GTF2IRD1: variants seen among roughly 807,000 people sequenced by gnomAD.
GTF2IRD1 encodes the protein general transcription factor II-I repeat domain-containing protein 1.
GTF2IRD1 carries 26 observed loss-of-function variants against 113.2 expected under a neutral mutation model. The observed-to-expected ratio is 0.23, with a 90% confidence interval of 0.17 to 0.32. The LOEUF (loss-of-function observed/expected upper bound fraction) is 0.32, where lower values mean the gene tolerates loss of function less well. Ranked by LOEUF, GTF2IRD1 falls within the 10% of genes least tolerant of loss-of-function variation. GTF2IRD1 has a pLI of 1.00. For missense variants in GTF2IRD1, 864 were observed against 1,280.8 expected (o/e 0.67, Z 4.97); for synonymous variants, 484 against 529.1 (o/e 0.91, Z 1.17).
chr7:74,545,249 CAGGGTG>C (rs1467339869), intron 15 of GTF2IRD1, among the ~76,000 whole-genome samples: 4 of 151,942 alleles, frequency 2.6e-5, no homozygotes, highest in Admixed American at 1.3e-4. Context: ...AGAGGGAGGC[CAGGGTG>C]AGGGTGGGTC....
chr7:74,559,140 C>G, intron 21 of GTF2IRD1, 96 bp downstream of exon 21: 7 of 1,162,380 alleles, frequency 6.0e-6, no homozygotes, highest in Non-Finnish European at 8.6e-6. Flanking sequence ...TCCTGCCCTC[C>G]CCCCTGGACA....
At position 74,460,330 on chromosome 7, in the gene GTF2IRD1, C is replaced by T. The variant is rs147076051; in HGVS notation, c.-7+6154C>T. The stretch of plus-strand genomic sequence containing the variant: ...TGTTTCCCAGGCTGGAGTGCAGTGG[C>T]GTGATCCTACCTCACTGCAACCTCC... On this transcript the variant is annotated intron_variant, in intron 1 of 26. Transcript: ENST00000424337. Among the ~76,000 whole-genome samples, 145 of 152,100 alleles carry T rather than the reference C, an allele frequency of 9.5e-4. 2 individuals are homozygous for T. The East Asian group carries it at 0.025, about 27-fold the overall frequency.
chr7:74,565,550 C>A (rs587688637), intron 22 of GTF2IRD1, among the ~76,000 whole-genome samples: 2 of 152,126 alleles, frequency 1.3e-5, no homozygotes, highest in African/African-American at 4.8e-5. Context: ...AAAGAAAACC[C>A]AGGACAGCTA....
chr7:74,455,637 C>T (rs1792918032), intron 1 of GTF2IRD1, among the ~76,000 whole-genome samples: 1 of 152,080 alleles, frequency 6.6e-6, no homozygotes, highest in South Asian at 2.1e-4. Context: ...TATTTGGGGC[C>T]CAGGAGGGTG....
At chr7:74,503,697 C>T (rs1554340145) in intron 1 of GTF2IRD1, among the ~76,000 whole-genome samples, 1 of 151,478 alleles carries the variant, frequency 6.6e-6, no homozygotes, top group Non-Finnish European at 1.5e-5. Context: ...CGCAGTGAGC[C>T]GAGATCACAC....
At position 74,602,396 on chromosome 7, in the gene GTF2IRD1, G is replaced by A. The variant is rs1554374416; in HGVS notation, c.2798G>A (p.Gly933Asp). ...QWPMYMVDYA[G>D]LNVQLPGPLN... ...CCAATGTACATGGTGGACTATGCCG[G>A]CCTGAACGTGCAGCTCCCGGGACCT... is the stretch of plus-strand genomic sequence containing the variant. The change falls in exon 27 of 27, where the codon GGC becomes GAC. Residue 933 changes from glycine (G) to aspartate (D), a missense_variant. Transcript: ENST00000424337. 2.5e-6 allele frequency: 4 copies of A among 1,613,646 alleles called. No homozygotes were observed. The highest frequency in any genetic ancestry group is 1.6e-4 in the Middle Eastern group (1 of 6,062).
intron 1 of GTF2IRD1, among the ~76,000 whole-genome samples, chr7:74,479,028 C>T (rs1318145125): frequency 6.6e-6 from 1 of 152,076 alleles, no homozygotes; most frequent in Non-Finnish European, 1.5e-5. Flanking sequence ...GACCCCCCGT[C>T]GCCAGCTCCT....
intron 2 of GTF2IRD1, among the ~76,000 whole-genome samples, chr7:74,509,970 T>TG (rs1335340432): frequency 1.3e-5 from 2 of 152,296 alleles, no homozygotes; most frequent in East Asian, 3.9e-4. Context: ...CCACTGCGCC[T>TG]GGCCCAGCAA....
At chr7:74,513,110 G>A in intron 3 of GTF2IRD1, 139 bp downstream of exon 3, 5 of 790,250 alleles carry the variant, frequency 6.3e-6, no homozygotes, top group Non-Finnish European at 1.0e-5. Context: ...GGTTGTCTGA[G>A]ATTCCCGATG....
intron 1 of GTF2IRD1, among the ~76,000 whole-genome samples, chr7:74,457,122 C>T (rs1369826352): frequency 6.6e-6 from 1 of 152,000 alleles, no homozygotes; most frequent in Non-Finnish European, 1.5e-5. Context: ...TCACAAGTAG[C>T]TGGGACCGCA....
intron 14 of GTF2IRD1, among the ~76,000 whole-genome samples, chr7:74,543,405 G>A (rs1441211272): frequency 3.9e-5 from 6 of 152,054 alleles, no homozygotes; most frequent in African/African-American, 9.7e-5. Context: ...CCCAGGAGGT[G>A]GAGGTTGCAG....
At chr7:74,484,281 C>CT (rs1224715609) in intron 1 of GTF2IRD1, among the ~76,000 whole-genome samples, 30 of 152,070 alleles carry the variant, frequency 2.0e-4, no homozygotes, top group African/African-American at 7.2e-4. Flanking sequence ...ACATGATGGT[C>CT]TTTTTTTATT....
chr7:74,521,174 A>C, intron 6 of GTF2IRD1, 34 bp from the exon 7 acceptor site: 1 of 1,326,488 alleles, frequency 7.5e-7, no homozygotes, highest in Non-Finnish European at 1.1e-6. Flanking sequence ...CTTGGGTCCC[A>C]CCTGGAACCT....
chr7:74,517,276 G>T (rs1554344852), intron 4 of GTF2IRD1, among the ~76,000 whole-genome samples: 1 of 147,238 alleles, frequency 6.8e-6, no homozygotes, highest in East Asian at 2.0e-4. Context: ...CACCTGCCTC[G>T]GTAATCCCAA....
chr7:74,525,313 C>T (rs1797537661), intron 8 of GTF2IRD1, among the ~76,000 whole-genome samples: 1 of 152,136 alleles, frequency 6.6e-6, no homozygotes, highest in African/African-American at 2.4e-5. Flanking sequence ...TGATGGTTCC[C>T]TCTCTGTGAC....
chr7:74,531,850 C>T (rs1325948667), intron 9 of GTF2IRD1, among the ~76,000 whole-genome samples: 1 of 152,090 alleles, frequency 6.6e-6, no homozygotes, highest in African/African-American at 2.4e-5. Context: ...ATTGGTGGTA[C>T]AGCTCTCTGC....
intron 21 of GTF2IRD1, 50 bp from the exon 22 acceptor site, chr7:74,559,577 T>C: frequency 6.5e-7 from 1 of 1,538,254 alleles, no homozygotes; most frequent in Non-Finnish European, 8.8e-7. Context: ...GGTGTCTTCC[T>C]CATCCCCCAG....
At chr7:74,455,972 C>T (rs1053289294) in intron 1 of GTF2IRD1, among the ~76,000 whole-genome samples, 3 of 152,156 alleles carry the variant, frequency 2.0e-5, no homozygotes, top group East Asian at 1.9e-4. Context: ...GTAGGGGGCA[C>T]GCTAAACCTA....
At chr7:74,460,137 G>A (rs1036805527) in intron 1 of GTF2IRD1, among the ~76,000 whole-genome samples, 1 of 151,750 alleles carries the variant, frequency 6.6e-6, no homozygotes, top group Non-Finnish European at 1.5e-5. Context: ...CACCGTGCCC[G>A]GCTAATTTTT....
Sources: allele counts gnomAD v4.1 joint callset (sites outside exome capture counted in the v4.1 genomes callset), GRCh38; gene constraint gnomAD v4.1.1; transcripts MANE v1.5; gene names NCBI Gene and HGNC (gene_info 2026-07-23, HGNC 2026-07-21).